The following BCL11A variants were observed in gnomAD, a reference collection of about 807,000 sequenced individuals.
BCL11A encodes the protein B cell CLL/lymphoma 11A.
BCL11A carries 2 observed loss-of-function variants against 55.9 expected under a neutral mutation model. The observed-to-expected ratio is 0.04, with a 90% CI of 0.01 to 0.11. The LOEUF is 0.11. Among genes scored for constraint, BCL11A ranks in the 10% least tolerant of loss-of-function variants. The pLI, the probability that BCL11A is intolerant of heterozygous loss-of-function variation, is 1.00. For synonymous variants in BCL11A, 465 were observed against 473.4 expected (o/e 0.98, Z 0.23); for missense variants, 817 against 1,137.1 (o/e 0.72, Z 4.05).
At chr2:60,456,445 G>A (rs944795572), downstream of BCL11A, among the ~76,000 whole-genome samples, 1 of 152,186 alleles carries the variant, frequency 6.6e-6, no homozygotes, top group Non-Finnish European at 1.5e-5. Context: ...TGTCATCCAG[G>A]AAGACCCTAT....
At chr2:60,470,663 G>A (rs996024685) in intron 2 of BCL11A, among the ~76,000 whole-genome samples, 4 of 152,110 alleles carry the variant, frequency 2.6e-5, no homozygotes, top group African/African-American at 7.2e-5. Context: ...CTAGCCCCTC[G>A]CATGAATCTC....
At chr2:60,540,319 A>G (rs1327325566) in intron 2 of BCL11A, among the ~76,000 whole-genome samples, 1 of 152,208 alleles carries the variant, frequency 6.6e-6, no homozygotes, top group Non-Finnish European at 1.5e-5. Context: ...GTACTACTGT[A>G]TGTAAAAACA....
intron 2 of BCL11A, among the ~76,000 whole-genome samples, chr2:60,517,810 G>C (rs1416264005): frequency 6.6e-6 from 1 of 152,194 alleles, no homozygotes; most frequent in African/African-American, 2.4e-5. Flanking sequence ...GACTTCACAA[G>C]TCTATGTCTA....
chr2:60,487,540 G>C (rs972923432), intron 2 of BCL11A, among the ~76,000 whole-genome samples: 1 of 152,176 alleles, frequency 6.6e-6, no homozygotes, highest in Non-Finnish European at 1.5e-5. Context: ...TACAGATTCA[G>C]ATTAAGGGAA....
chr2:60,486,843 G>A (rs537281887), intron 2 of BCL11A, among the ~76,000 whole-genome samples: 1 of 152,250 alleles, frequency 6.6e-6, no homozygotes, highest in South Asian at 2.1e-4. Context: ...AGACTACTGC[G>A]AATCACTCTG....
intron 2 of BCL11A, among the ~76,000 whole-genome samples, chr2:60,473,390 A>G (rs1360722938): frequency 6.6e-6 from 1 of 152,008 alleles, no homozygotes; most frequent in Non-Finnish European, 1.5e-5. Flanking sequence ...GGGTCTCTAT[A>G]TTGGTGACAG....
chr2:60,484,798 T>C (rs1678173188), intron 2 of BCL11A, among the ~76,000 whole-genome samples: 1 of 151,852 alleles, frequency 6.6e-6, no homozygotes. Flanking sequence ...CCTCAAATTA[T>C]GGGAATTCTC....
intron 2 of BCL11A, among the ~76,000 whole-genome samples, chr2:60,530,593 C>A (rs1474356920): frequency 6.6e-6 from 1 of 151,350 alleles, no homozygotes; most frequent in Non-Finnish European, 1.5e-5. Flanking sequence ...TTGAGCTGTG[C>A]GTCTCTTTTT....
At chr2:60,534,219 G>C (rs950221491) in intron 2 of BCL11A, 3 of 152,272 alleles carry the variant, frequency 2.0e-5, no homozygotes, top group Non-Finnish European at 4.4e-5. Flanking sequence ...AGGGAGCCTG[G>C]AGACCAGGAT....
At position 60,553,285 on chromosome 2, in the gene BCL11A, C is replaced by A; in HGVS notation, c.-15G>T. 6.4e-7 allele frequency: 1 copy of A among 1,563,594 alleles called. No individual in the cohort carries two copies. Among genetic ancestry groups the A allele is most frequent in the Non-Finnish European group, 8.6e-7 (1 of 1,163,122 alleles). On this transcript the variant is annotated 5_prime_UTR_variant, in exon 1 of 4. Transcript: ENST00000642384. Reference sequence around the variant, plus strand: ...CGGCGAGACATGGTGGGCTGCGGGGCGGGCGGCGGCGGCGGCGGCGGCGGC... The same window carrying A: ...CGGCGAGACATGGTGGGCTGCGGGGAGGGCGGCGGCGGCGGCGGCGGCGGC...
intron 2 of BCL11A, chr2:60,542,248 C>G (rs1669955519): frequency 5.3e-6 from 1 of 190,238 alleles, no homozygotes. Context: ...TCTCAAAAAG[C>G]TAACTTTATG....
rs1670376238 is a variant in BCL11A, at chr2:60,550,745, G to A, written c.55+2471C>T. 8 of 398,428 alleles carry A rather than the reference G, an allele frequency of 2.0e-5. No individual in the cohort carries two copies. In the Admixed American group the frequency reaches 3.5e-4, roughly 18 times the overall value. 24.7% of individuals were successfully genotyped at this position (398,428 alleles called of 1,614,324 possible). ...CCAAGATGGACCCAGGAGGGAGAGG[G>A]GTACGAGGGAGCAGCCTGGACTGCG... On this transcript the variant is annotated intron_variant, in intron 1 of 3. Transcript: ENST00000642384.
intron 2 of BCL11A, chr2:60,534,306 A>T (rs1447383442): frequency 6.6e-6 from 1 of 152,302 alleles, no homozygotes; most frequent in Non-Finnish European, 1.5e-5. Flanking sequence ...GATCTAAAAG[A>T]TAAAAGAGTC....
intron 2 of BCL11A, chr2:60,544,773 T>C (rs1670075211): frequency 6.6e-6 from 1 of 152,202 alleles, no homozygotes; most frequent in Admixed American, 6.5e-5. Context: ...GGTAGGTAGA[T>C]GGAAGAAAGC....
chr2:60,488,399 C>T (rs1249813822), intron 2 of BCL11A, among the ~76,000 whole-genome samples: 1 of 152,174 alleles, frequency 6.6e-6, no homozygotes, highest in East Asian at 1.9e-4. Context: ...GATGACAGTA[C>T]TTGAGATAAT....
At position 60,459,107 on chromosome 2, in the gene BCL11A, T is replaced by C; in HGVS notation, c.*1297A>G. The C allele has an allele frequency of 9.8e-7, 1 of 1,021,142 alleles. No individual in the cohort carries two copies. The highest frequency in any genetic ancestry group is 1.2e-6 in the Non-Finnish European group (1 of 850,120). 63.3% of individuals were successfully genotyped at this position (1,021,142 alleles called of 1,614,324 possible). ...ACCTGTTCTAGTTTTAAATGGCAAATAGTACCACGTTGTGCTAATAAATCA... is the reference window on the plus strand; with the variant it reads ...ACCTGTTCTAGTTTTAAATGGCAAACAGTACCACGTTGTGCTAATAAATCA... On this transcript the variant is annotated 3_prime_UTR_variant, in exon 4 of 4. Transcript: ENST00000642384.
intron 2 of BCL11A, chr2:60,537,074 T>C (rs1669700561): frequency 2.0e-5 from 3 of 152,270 alleles, no homozygotes; most frequent in Admixed American, 1.3e-4. Context: ...ACATAGTCTT[T>C]GAAGCTGCTC....
chr2:60,480,148 G>T (rs1396169104), intron 2 of BCL11A, among the ~76,000 whole-genome samples: 2 of 152,226 alleles, frequency 1.3e-5, no homozygotes, highest in African/African-American at 2.4e-5. Context: ...GGGGGAAGGT[G>T]GGGGTGGAGG....
chr2:60,518,888 G>A (rs189797332), intron 2 of BCL11A, among the ~76,000 whole-genome samples: 1 of 152,196 alleles, frequency 6.6e-6, no homozygotes, highest in African/African-American at 2.4e-5. Context: ...ACCACCAGCC[G>A]TATTTCCTGG....
Sources: gnomAD v4.1 joint callset for allele counts (sites outside exome capture counted in the v4.1 genomes callset) on GRCh38, gnomAD v4.1.1 for gene constraint, MANE v1.5 for transcripts, NCBI Gene and HGNC (gene_info 2026-07-23, HGNC 2026-07-21) for gene names.